The following RPH3AL variants were observed in gnomAD, a reference collection of about 807,000 sequenced individuals.
The protein encoded by RPH3AL is rabphilin 3A like (without C2 domains).
RPH3AL carries 38 observed loss-of-function variants against 43.1 expected under a neutral mutation model. The observed-to-expected ratio is 0.88, with a 90% CI of 0.68 to 1.15. The LOEUF (loss-of-function observed/expected upper bound fraction) is 1.15. Among genes scored for constraint, RPH3AL ranks in the 50% most tolerant of loss-of-function variants. The pLI is 0.00. For missense variants in RPH3AL, 462 were observed against 423.2 expected, an observed-to-expected ratio of 1.09 and a Z score of -0.81; for synonymous variants, 189 against 176.3, an observed-to-expected ratio of 1.07 and a Z score of -0.57.
In RPH3AL at chr17:245,358, T is replaced by C. The variant is rs552564006; in HGVS notation, c.613+1753A>G. On this transcript the variant is annotated intron_variant, in intron 7 of 9. Coordinates refer to ENST00000331302, the MANE Select transcript of RPH3AL (RefSeq NM_006987.4). The surrounding 1 kb of genome is among the most constrained non-coding windows in gnomAD (Gnocchi z 5.9). ...GTGTGGATGTGAGTGTGTATGTGGA[T>C]GTCAGTGTGTGTGTGTGGATGTCAG... Among the ~76,000 whole-genome samples the C allele has an allele frequency of 2.0e-5, 3 of 149,640 alleles. No individual in the cohort carries two copies. The East Asian group carries it at 5.9e-4, about 29-fold the overall frequency.
In RPH3AL at chr17:283,473, C is replaced by G. The variant is rs556425086; in HGVS notation, c.352-1619G>C. Among the ~76,000 whole-genome samples, 1 of 152,174 alleles carries G rather than the reference C, an allele frequency of 6.6e-6. No homozygotes were observed. The highest frequency in any genetic ancestry group is 1.5e-5 in the Non-Finnish European group (1 of 68,026). On this transcript the variant is annotated intron_variant, in intron 5 of 9. Coordinates refer to ENST00000331302, the MANE Select transcript of RPH3AL (RefSeq NM_006987.4). This position sits in a 1 kb window ranked among gnomAD's most constrained non-coding sequence, Gnocchi z 4.2. ...TTATCCAAAGAAAATGCAATCTGCT[C>G]CAAGCTCCTGTCCCTCTGGATTGGC...
At position 275,241 on chromosome 17, in the gene RPH3AL, A is replaced by C. The variant is rs539666752; in HGVS notation, c.438+6527T>G. On this transcript the variant is annotated intron_variant, in intron 6 of 9. Transcript: ENST00000331302. ...ACAATTATTCATAACAGCAAAAAAA[A>C]CAAAAAACAAAAAAAGGAGAGTAAC... Among the ~76,000 whole-genome samples, 896 of 141,606 alleles carry C rather than the reference A, an allele frequency of 6.3e-3. 10 individuals carry two copies. The highest frequency in any genetic ancestry group is 0.023 in the African/African-American group (849 of 37,280). 92.9% of individuals were successfully genotyped at this position (141,606 alleles called of 152,430 possible). A position where few individuals can be genotyped will look rare whatever the true frequency, so the allele number is the denominator to read the frequency against.
intron 7 of RPH3AL, among the ~76,000 whole-genome samples, chr17:221,330 C>T (rs1164016138): frequency 2.0e-4 from 27 of 135,648 alleles, no homozygotes; most frequent in African/African-American, 5.2e-4. Context: ...GGCCTCCACT[C>T]GGTGAGACAA....
At chr17:329,808 C>A (rs1598144608) in intron 2 of RPH3AL, among the ~76,000 whole-genome samples, 1 of 152,202 alleles carries the variant, frequency 6.6e-6, no homozygotes, top group African/African-American at 2.4e-5. Flanking sequence ...GACATCCAGA[C>A]CCTCACAAAT....
chr17:329,008 A>G (rs1324232013), intron 2 of RPH3AL, among the ~76,000 whole-genome samples: 2 of 152,200 alleles, frequency 1.3e-5, no homozygotes, highest in African/African-American at 4.8e-5. Flanking sequence ...CAGTGGGTTC[A>G]GGACTTCTTT....
chr17:245,233 G>A lies in RPH3AL; in HGVS notation c.613+1878C>T, dbSNP rs543420240. ...TGTGTGTCCATGTGGATGTGTGTGT[G>A]CGTGTGGATGAGAGCATGTGTGTGT... On this transcript the variant is annotated intron_variant, in intron 7 of 9. Transcript: ENST00000331302. This position sits in a 1 kb window ranked among gnomAD's most constrained non-coding sequence, Gnocchi z 5.9. Among the ~76,000 whole-genome samples the A allele has an allele frequency of 4.1e-4, 62 of 151,858 alleles. No individual in the cohort carries two copies. Among genetic ancestry groups the A allele is most frequent in the Middle Eastern group, 3.4e-3 (1 of 292 alleles).
At chr17:302,624 G>T (rs1270111774) in intron 5 of RPH3AL, among the ~76,000 whole-genome samples, 1 of 152,180 alleles carries the variant, frequency 6.6e-6, no homozygotes, top group Non-Finnish European at 1.5e-5. Context: ...TCGAGGGAGG[G>T]TGGATCCAGG....
rs1191915098 is a variant in RPH3AL at position 213,649 on chromosome 17, G to C, written c.*203C>G. On this transcript the variant is annotated 3_prime_UTR_variant, in exon 10 of 10. Transcript: ENST00000331302. ...CGGGGGCTGAGGGCAGTGGTTGGAG[G>C]GGGTGGCGGATGCAGACAGCTCCCC... The C allele has an allele frequency of 6.6e-6, 4 of 605,458 alleles. No homozygotes were observed. Among genetic ancestry groups the C allele is most frequent in the Admixed American group, 5.5e-5 (2 of 36,668 alleles). 37.5% of individuals were successfully genotyped at this position (605,458 alleles called of 1,614,324 possible).
rs183871151 is a variant in RPH3AL, at chr17:290,856, C to T, written c.352-9002G>A. Among the ~76,000 whole-genome samples, 11 of 152,292 alleles carry T rather than the reference C, an allele frequency of 7.2e-5. No homozygotes were observed. The highest frequency in any genetic ancestry group is 1.4e-4 in the African/African-American group (6 of 41,566). On this transcript the variant is annotated intron_variant, in intron 5 of 9. Transcript: ENST00000331302. The surrounding 1 kb of genome is among the most constrained non-coding windows in gnomAD (Gnocchi z 4.2). ...TCACTGGCAGCCTCACACTCCTGGA[C>T]GGGCCGGGACAGCTTCACAGCGTCA...
At chr17:301,839 G>A (rs1047825810) in intron 5 of RPH3AL, among the ~76,000 whole-genome samples, 2 of 152,174 alleles carry the variant, frequency 1.3e-5, no homozygotes, top group African/African-American at 4.8e-5. Flanking sequence ...CTGTGTCATC[G>A]AGAGGGAGTC....
intron 2 of RPH3AL, chr17:331,813 A>G (rs2151716140): frequency 3.1e-6 from 4 of 1,288,940 alleles, no homozygotes; most frequent in Non-Finnish European, 4.0e-6. Flanking sequence ...GGTCCTGAAA[A>G]CTCCAGAGAG....
At chr17:221,813 G>A (rs1255330430) in intron 7 of RPH3AL, among the ~76,000 whole-genome samples, 3 of 114,232 alleles carry the variant, frequency 2.6e-5, no homozygotes, top group African/African-American at 1.1e-4. Context: ...CAACAGCTCT[G>A]AGGGCTCCAC....
intron 1 of RPH3AL, among the ~76,000 whole-genome samples, chr17:348,309 C>G (rs1482104515): frequency 6.6e-6 from 1 of 152,124 alleles, no homozygotes; most frequent in Non-Finnish European, 1.5e-5. Flanking sequence ...CCCACATGTC[C>G]TTACACATTG....
At chr17:293,262 C>G (rs1004229541) in intron 5 of RPH3AL, among the ~76,000 whole-genome samples, 2 of 152,350 alleles carry the variant, frequency 1.3e-5, no homozygotes, top group East Asian at 3.9e-4. Context: ...GCCTGCCACT[C>G]ATGCAGTTAC....
At position 232,829 on chromosome 17, in the gene RPH3AL, C is replaced by CGTGTGTGTGTGTGT. The variant is rs71143481; in HGVS notation, c.614-13107_614-13094dup. On this transcript the variant is annotated intron_variant, in intron 7 of 9. Coordinates refer to ENST00000331302, the MANE Select transcript of RPH3AL (RefSeq NM_006987.4). ...CTTGTCTCTAAACAGTCCTTTCCGG[C>CGTGTGTGTGTGTGT]GTGTGTGTGTGTGTGTGTGTGTGTG... Among the ~76,000 whole-genome samples the CGTGTGTGTGTGTGT allele has an allele frequency of 7.8e-4, 93 of 119,514 alleles. 2 individuals are homozygous for CGTGTGTGTGTGTGT. The highest frequency in any genetic ancestry group is 1.0e-3 in the Non-Finnish European group (58 of 57,208). The allele number at this position is 119,514 out of a possible 152,430, so 78.4% of individuals were successfully genotyped here.
At position 215,581 on chromosome 17, in the gene RPH3AL, T is replaced by G. The variant is rs959012667; in HGVS notation, c.876+73A>C. The G allele has an allele frequency of 8.3e-7, 1 of 1,200,752 alleles. No homozygotes were observed. The highest frequency in any genetic ancestry group is 1.6e-5 in the African/African-American group (1 of 63,592). 74.4% of individuals were successfully genotyped at this position (1,200,752 alleles called of 1,614,324 possible). On this transcript the variant is annotated intron_variant, in intron 9 of 9. Transcript: ENST00000331302. This position sits in a 1 kb window ranked among gnomAD's most constrained non-coding sequence, Gnocchi z 4.1. ...AAAACGTCACCGACCAGTCTCCAGT[T>G]TGGGAGGAGTGAGTGAGAGAGGACA...
rs1474174371 is a variant in RPH3AL at position 314,804 on chromosome 17, T to C, written c.351+4616A>G. Among the ~76,000 whole-genome samples the C allele has an allele frequency of 7.3e-4, 70 of 95,310 alleles. 7 individuals are homozygous for C. The highest frequency in any genetic ancestry group is 2.4e-3 in the African/African-American group (32 of 13,272). The allele number at this position is 95,310 out of a possible 152,430, so 62.5% of individuals were successfully genotyped here. A position where few individuals can be genotyped will look rare whatever the true frequency, so the allele number is the denominator to read the frequency against. ...CTCCATTGACCTGTAGTCCCTGTAC[T>C]CCACGTCCATTGACCTGTAGTCTCT... is the stretch of plus-strand genomic sequence containing the variant. On this transcript the variant is annotated intron_variant, in intron 5 of 9. Coordinates refer to ENST00000331302, the MANE Select transcript of RPH3AL (RefSeq NM_006987.4).
chr17:240,671 A>G (rs1013843559), intron 7 of RPH3AL, among the ~76,000 whole-genome samples: 1 of 152,220 alleles, frequency 6.6e-6, no homozygotes, highest in South Asian at 2.1e-4. Context: ...TGATTACACC[A>G]TATTTTATCC....
At chr17:315,004 G>A (rs1334808904) in intron 5 of RPH3AL, among the ~76,000 whole-genome samples, 5 of 146,162 alleles carry the variant, frequency 3.4e-5, no homozygotes, top group Non-Finnish European at 7.4e-5. Flanking sequence ...TTGACCTGTA[G>A]TCTCTGTGCT....
Sources: allele counts gnomAD v4.1 joint callset (sites outside exome capture counted in the v4.1 genomes callset), GRCh38; gene constraint gnomAD v4.1.1; non-coding constraint Gnocchi (gnomAD v3.1); transcripts MANE v1.5; gene names NCBI Gene and HGNC (gene_info 2026-07-23, HGNC 2026-07-21).